NEIL3: variants seen among roughly 807,000 people sequenced by gnomAD.
NEIL3 encodes the protein nei like DNA glycosylase 3.
A neutral mutation model predicts 57.5 loss-of-function variants in NEIL3; 48 were observed. The observed-to-expected ratio is 0.83, with a 90% CI of 0.66 to 1.06. NEIL3 has a LOEUF of 1.06. Among genes scored for constraint, NEIL3 ranks in the 50% least tolerant of loss-of-function variants. NEIL3 has a pLI of 0.00. For missense variants in NEIL3, 717 were observed against 739.1 expected, an observed-to-expected ratio of 0.97 and a Z score of 0.35; for synonymous variants, 261 against 253.2, an observed-to-expected ratio of 1.03 and a Z score of -0.29.
intron 1 of NEIL3, among the ~76,000 whole-genome samples, chr4:177,320,420 C>A (rs752322935): frequency 1.1e-4 from 16 of 146,750 alleles, no homozygotes; most frequent in Non-Finnish European, 2.1e-4. Flanking sequence ...CAGTCTCCAA[C>A]AGGTTCTTTT....
intron 1 of NEIL3, among the ~76,000 whole-genome samples, chr4:177,314,497 A>T (rs1734536532): frequency 1.3e-5 from 2 of 152,178 alleles, no homozygotes; most frequent in Non-Finnish European, 2.9e-5. Flanking sequence ...TAGCAAAATA[A>T]ACATCCTGGG....
In NEIL3 at chr4:177,336,155, A is replaced by T. The variant is rs563302359; in HGVS notation, c.461A>T (p.Asp154Val). 1 of 1,613,794 alleles carries T rather than the reference A, an allele frequency of 6.2e-7. No homozygotes were observed. Among genetic ancestry groups the T allele is most frequent in the Admixed American group, 1.7e-5 (1 of 60,024 alleles). ...QQRIRMMKEL[D>V]VCSPEFSFLR... The stretch of plus-strand genomic sequence containing the variant: ...AGAATAAGAATGATGAAAGAATTAG[A>T]TGTATGTTCACCTGAATTTAGTTTC... Residue 154 changes from aspartate to valine, a missense_variant, in exon 4 of 10, where the codon GAT becomes GTT. Coordinates refer to ENST00000264596, the MANE Select transcript of NEIL3 (RefSeq NM_018248.3).
chr4:177,363,311 G>A (rs1040441633), downstream of NEIL3, among the ~76,000 whole-genome samples: 33 of 152,194 alleles, frequency 2.2e-4, no homozygotes, highest in Non-Finnish European at 3.8e-4. Flanking sequence ...CCACTTTCCC[G>A]TTCTACCACT....
chr4:177,321,465 A>C (rs1027612996), intron 1 of NEIL3, among the ~76,000 whole-genome samples: 2 of 150,188 alleles, frequency 1.3e-5, no homozygotes, highest in African/African-American at 2.5e-5. Context: ...ATAATAAAAA[A>C]TAATGACATA....
intron 2 of NEIL3, among the ~76,000 whole-genome samples, chr4:177,333,860 T>C (rs949097086): frequency 7.3e-5 from 11 of 150,536 alleles, no homozygotes; most frequent in African/African-American, 2.7e-4. Flanking sequence ...GAATCAACTG[T>C]ATCAAAGGCA....
At chr4:177,365,620 AC>A (rs1417020000), downstream of NEIL3, among the ~76,000 whole-genome samples, 1 of 152,130 alleles carries the variant, frequency 6.6e-6, no homozygotes, top group African/African-American at 2.4e-5. Flanking sequence ...AATTTGAGTA[AC>A]TATTTTGTTT....
intron 1 of NEIL3, among the ~76,000 whole-genome samples, chr4:177,314,535 G>A (rs1384763924): frequency 6.6e-6 from 1 of 152,108 alleles, no homozygotes; most frequent in Non-Finnish European, 1.5e-5. Context: ...CTGGATCAGA[G>A]CTTTCTCACC....
Position 177,335,734 on chromosome 4 carries a change from T to G in NEIL3, c.325T>G (p.Tyr109Asp), listed in dbSNP as rs954725859. The G allele has an allele frequency of 1.9e-6, 3 of 1,597,636 alleles. No individual in the cohort carries two copies. Among genetic ancestry groups the G allele is most frequent in the Non-Finnish European group, 2.6e-6 (3 of 1,174,336 alleles). Residue 109 changes from tyrosine (Y) to aspartate (D), a missense_variant, in exon 3 of 10, where the codon TAT (tyrosine) becomes GAT (aspartate). By Grantham distance (160) the Tyr-to-Asp change is radical. Coordinates refer to ENST00000264596, the MANE Select transcript of NEIL3 (RefSeq NM_018248.3). ...CTTCATCATGATTAATCCACTTGAG[T>G]ATAAATATAAAAATGGAGCTTCTCC... ...KGFIMINPLE[Y>D]KYKNGASPVL...
chr4:177,364,195 A>T (rs1735662120), downstream of NEIL3, among the ~76,000 whole-genome samples: 1 of 152,174 alleles, frequency 6.6e-6, no homozygotes, highest in African/African-American at 2.4e-5. Context: ...TCTCATAAAA[A>T]ATCTCAGTGG....
chr4:177,311,120 G>T (rs1025259852), intron 1 of NEIL3, among the ~76,000 whole-genome samples: 23 of 151,972 alleles, frequency 1.5e-4, no homozygotes, highest in Admixed American at 1.5e-3. Flanking sequence ...GTACCACAGA[G>T]ATGGATTTTA....
chr4:177,313,215 A>G, intron 1 of NEIL3, among the ~76,000 whole-genome samples: 1 of 152,248 alleles, frequency 6.6e-6, no homozygotes, highest in East Asian at 1.9e-4. Context: ...AACCTCAGAT[A>G]ATCATACCAA....
chr4:177,359,644 A>G (rs797014310), intron 8 of NEIL3, among the ~76,000 whole-genome samples: 12 of 152,340 alleles, frequency 7.9e-5, no homozygotes, highest in African/African-American at 2.9e-4. Flanking sequence ...AAATAGGAAT[A>G]TTAAGAGGGG....
intron 1 of NEIL3, among the ~76,000 whole-genome samples, chr4:177,314,932 C>CCGGGCG (rs751862864): frequency 6.3e-4 from 36 of 56,932 alleles, no homozygotes; most frequent in Non-Finnish European, 1.1e-3. Context: ...AAAAAATTAG[C>CCGGGCG]TTGGTGGACG....
chr4:177,364,560 TGAAACTCTGC>T (rs1397241826), downstream of NEIL3, among the ~76,000 whole-genome samples: 1 of 152,130 alleles, frequency 6.6e-6, no homozygotes, highest in African/African-American at 2.4e-5. Context: ...CCACATTCTG[TGAAACTCTGC>T]TGATGTCATT....
chr4:177,348,858 A>ATTTTTTTTTTTTTTTTTTTTT lies in NEIL3; in HGVS notation c.870-2515_870-2495dup, dbSNP rs749391559. Among the ~76,000 whole-genome samples the ATTTTTTTTTTTTTTTTTTTTT allele has an allele frequency of 2.2e-4, 16 of 73,736 alleles. 3 individuals are homozygous for ATTTTTTTTTTTTTTTTTTTTT. Among genetic ancestry groups the ATTTTTTTTTTTTTTTTTTTTT allele is most frequent in the Admixed American group, 4.4e-4 (2 of 4,506 alleles). 48.4% of individuals were successfully genotyped at this position (73,736 alleles called of 152,430 possible). ...AGAATTGCAGATTGGTGGCTCATGA[A>ATTTTTTTTTTTTTTTTTTTTT]TTTTTTTTTTTTTTTTTTTTTTTTT... On this transcript the variant is annotated intron_variant, in intron 6 of 9. Transcript: ENST00000264596.
chr4:177,342,917 A>C (rs1735126599), intron 6 of NEIL3: 1 of 152,234 alleles, frequency 6.6e-6, no homozygotes, highest in South Asian at 2.1e-4. Context: ...AGAATGGTTA[A>C]GGTCTTTCCT....
chr4:177,316,157 G>A (rs1049229647), intron 1 of NEIL3, among the ~76,000 whole-genome samples: 10 of 152,154 alleles, frequency 6.6e-5, no homozygotes, highest in Non-Finnish European at 1.0e-4. Context: ...AAAAGTTAAT[G>A]TGGTATCTCT....
rs184731872 is a variant in NEIL3, at chr4:177,313,081, C to T, written c.156+2972C>T. Among the ~76,000 whole-genome samples the T allele has an allele frequency of 9.4e-3, 1,427 of 152,246 alleles. 14 individuals carry two copies. The highest frequency in any genetic ancestry group is 0.016 in the Non-Finnish European group (1,068 of 68,002). Reference sequence around the variant, plus strand: ...ACTGGCTTGAAATGATTAGTTTTCACAAGGCAGCATTTAAAAATAATTTAA... The same window carrying T: ...ACTGGCTTGAAATGATTAGTTTTCATAAGGCAGCATTTAAAAATAATTTAA... On this transcript the variant is annotated intron_variant, in intron 1 of 9. Transcript: ENST00000264596.
chr4:177,362,645 T>C lies in NEIL3; in HGVS notation c.*174T>C. ...CCATCTTTCCATTGTTGGCTACGTC[T>C]TTTCTTTTGCCTTGATGAACGTTCT... On this transcript the variant is annotated 3_prime_UTR_variant, in exon 10 of 10. Coordinates refer to ENST00000264596, the MANE Select transcript of NEIL3 (RefSeq NM_018248.3). 2.0e-6 allele frequency: 1 copy of C among 512,138 alleles called. No individual in the cohort carries two copies. 31.7% of individuals were successfully genotyped at this position (512,138 alleles called of 1,614,324 possible). A position where few individuals can be genotyped will look rare whatever the true frequency, so the allele number is the denominator to read the frequency against.
Sources: gnomAD v4.1 joint callset for allele counts (sites outside exome capture counted in the v4.1 genomes callset) on GRCh38, gnomAD v4.1.1 for gene constraint, MANE v1.5 for transcripts, NCBI Gene and HGNC (gene_info 2026-07-23, HGNC 2026-07-21) for gene names.